The following ACOT6 variants were observed in gnomAD, a reference collection of about 807,000 sequenced individuals.
ACOT6 encodes acyl-coenzyme A thioesterase 6.
ACOT6 carries 14 observed loss-of-function variants against 12.3 expected under a neutral mutation model. That is an observed-to-expected ratio of 1.14 (90% CI 0.75 to 1.78). The LOEUF is 1.78. ACOT6 is among the 40% of genes most tolerant of loss of function. ACOT6 has a pLI of 0.00. For synonymous variants in ACOT6, 218 were observed against 231.3 expected (o/e 0.94, Z 0.52); for missense variants, 523 against 551.8 (o/e 0.95, Z 0.52).
At chr14:73,616,925 A>G in intron 1 of ACOT6, 69 bp from the exon 2 acceptor site, 1 of 581,690 alleles carries the variant, frequency 1.7e-6, no homozygotes, top group Non-Finnish European at 3.1e-6. Flanking sequence ...CCTTGGCTTC[A>G]AAAACTTGTT....
intron 1 of ACOT6, among the ~76,000 whole-genome samples, chr14:73,616,409 T>A (rs761967271): frequency 3.9e-5 from 6 of 152,026 alleles, no homozygotes; most frequent in Non-Finnish European, 8.8e-5. Flanking sequence ...TAAAAAGTTT[T>A]AGGCCGGTTG....
At chr14:73,614,738 C>A (rs1295253733) in intron 1 of ACOT6, among the ~76,000 whole-genome samples, 1 of 112,840 alleles carries the variant, frequency 8.9e-6, no homozygotes, top group African/African-American at 3.8e-5. Context: ...CAGAGCGAGA[C>A]CCTGTCTCAA....
At position 73,617,142 on chromosome 14, in the gene ACOT6, C is replaced by T. The variant is rs12891009; in HGVS notation, c.610C>T (p.His204Tyr). Residue 204 changes from histidine (H) to tyrosine (Y), a missense_variant, in exon 2 of 3, where the codon CAT (histidine) becomes TAT (tyrosine). This residue lies in a region of ACOT6 where 219 missense variants were observed against 277.0 expected (regional missense o/e 0.79). Coordinates refer to ENST00000645972, the MANE Select transcript of ACOT6 (RefSeq NM_001365788.1). ...CCTCCCCGAAGATCTGAATGATGTA[C>T]ATCTGGAGTACTTTGAAGAAGCCGT... ...EDLPEDLNDV[H>Y]LEYFEEAVDF... The T allele has an allele frequency of 0.41, 656,871 of 1,612,092 alleles. 138,525 individuals are homozygous for T. Among genetic ancestry groups the T allele is most frequent in the East Asian group, 0.67 (30,083 of 44,854 alleles).
chr14:73,612,879 C>A lies in ACOT6; in HGVS notation c.308C>A (p.Ala103Asp). ...AAGCGCGACGTGCGGACGCCCTTCG[C>A]CGTGGAGCTGGAAGTGCTGGACGGC... ...LVKRDVRTPFAVELEVLDGHD... is the reference protein window; with the variant it reads ...LVKRDVRTPFDVELEVLDGHD... Residue 103 changes from alanine (A) to aspartate (D), a missense_variant, in exon 1 of 3, where the codon GCC becomes GAC. This residue lies in a region of ACOT6 where 304 missense variants were observed against 274.8 expected (regional missense o/e 1.11). Coordinates refer to ENST00000645972, the MANE Select transcript of ACOT6 (RefSeq NM_001365788.1). 7.2e-7 allele frequency: 1 copy of A among 1,397,892 alleles called. No individual in the cohort carries two copies. The allele number at this position is 1,397,892 out of a possible 1,614,324, so 86.6% of individuals were successfully genotyped here.
intron 2 of ACOT6, among the ~76,000 whole-genome samples, chr14:73,618,756 G>A (rs1890581440): frequency 6.6e-6 from 1 of 152,138 alleles, no homozygotes; most frequent in South Asian, 2.1e-4. Context: ...CCCATTACTA[G>A]GAAATCAGTT....
At position 73,619,798 on chromosome 14, in the gene ACOT6, C is replaced by A; in HGVS notation, c.1225C>A (p.His409Asn). 1 of 1,610,470 alleles carries A rather than the reference C, an allele frequency of 6.2e-7. No individual in the cohort carries two copies. The highest frequency in any genetic ancestry group is 8.5e-7 in the Non-Finnish European group (1 of 1,178,930). The change falls in exon 3 of 3, where the codon CAT becomes AAT. Residue 409 changes from histidine to asparagine, a missense_variant. His to Asn is a moderately conservative substitution (Grantham distance 68). Coordinates refer to ENST00000645972, the MANE Select transcript of ACOT6 (RefSeq NM_001365788.1). ...WQQIQTFFHK[H>N]LNGKKSVKHS... ...GCAAATTCAAACTTTCTTCCATAAACATCTCAATGGTAAAAAATCTGTCAA... is the reference window on the plus strand; with the variant it reads ...GCAAATTCAAACTTTCTTCCATAAAAATCTCAATGGTAAAAAATCTGTCAA...
At chr14:73,617,231 A>T in intron 2 of ACOT6, 39 bp downstream of exon 2, 1 of 1,613,842 alleles carries the variant, frequency 6.2e-7, no homozygotes, top group South Asian at 1.1e-5. Flanking sequence ...AAGAGAGGGG[A>T]TAGAGCTGAT....
intron 1 of ACOT6, among the ~76,000 whole-genome samples, chr14:73,615,788 G>A (rs115893818): frequency 0.02 from 3,068 of 152,066 alleles, 106 homozygotes; most frequent in African/African-American, 0.07. Context: ...GCAGTGGCTC[G>A]CACTTAAAAT....
intron 1 of ACOT6, among the ~76,000 whole-genome samples, chr14:73,615,388 T>TAAAAAA (rs1160138803): frequency 3.2e-4 from 20 of 63,316 alleles, no homozygotes; most frequent in South Asian, 1.9e-3. Flanking sequence ...CTCTGTCTGA[T>TAAAAAA]AAAAAAAAAA....
At chr14:73,612,399 T>C (rs1197362681), upstream of ACOT6, 2 of 438,370 alleles carry the variant, frequency 4.6e-6, no homozygotes, top group African/African-American at 2.0e-5. Flanking sequence ...CACTGGTGTA[T>C]TTGCACAAAT....
chr14:73,612,671 C>T lies in ACOT6; in HGVS notation c.100C>T (p.Leu34=). Residue 34 remains leucine, a synonymous_variant, in exon 1 of 3, where the codon CTG becomes TTG. Coordinates refer to ENST00000645972, the MANE Select transcript of ACOT6 (RefSeq NM_001365788.1). ...RGLAPEQPVT[L]RTSLRDEEGA... The stretch of plus-strand genomic sequence containing the variant: ...CCTGGCCCCGGAGCAGCCAGTCACG[C>T]TGCGCACGTCCCTGCGCGACGAAGA... 6.4e-6 allele frequency: 9 copies of T among 1,411,220 alleles called. 1 individual carries two copies. In the South Asian group the frequency reaches 7.4e-5, roughly 12 times the overall value. 87.4% of individuals were successfully genotyped at this position (1,411,220 alleles called of 1,614,324 possible).
At chr14:73,612,251 GC>G (rs571360470), upstream of ACOT6, among the ~76,000 whole-genome samples, 92 of 152,228 alleles carry the variant, frequency 6.0e-4, no homozygotes, top group African/African-American at 2.0e-3. Flanking sequence ...TGTTGGTCAG[GC>G]TGGTCTTGAA....
In ACOT6 at chr14:73,618,483, GAGA is replaced by G. The variant is rs369437728; in HGVS notation, c.661-748_661-746del. Among the ~76,000 whole-genome samples, 67 of 151,508 alleles carry G rather than the reference GAGA, an allele frequency of 4.4e-4. 2 individuals are homozygous for G. Among genetic ancestry groups the G allele is most frequent in the African/African-American group, 1.5e-3 (62 of 40,808 alleles). ...GTCCACGAAGGAGCCAGTGATGGAA[GAGA>G]AGGAGTGTGGTGCAGGGCCCACGGG... On this transcript the variant is annotated intron_variant, in intron 2 of 2. Coordinates refer to ENST00000645972, the MANE Select transcript of ACOT6 (RefSeq NM_001365788.1).
At position 73,619,472 on chromosome 14, in the gene ACOT6, T is replaced by C; in HGVS notation, c.899T>C (p.Leu300Pro). 6.2e-7 allele frequency: 1 copy of C among 1,614,224 alleles called. No homozygotes were observed. The highest frequency in any genetic ancestry group is 8.5e-7 in the Non-Finnish European group (1 of 1,180,042). ...LTFMDTWSNP[L>P]EEHNHQSLVP... ...TTTATGGACACTTGGAGCAATCCAC[T>C]GGAGGAACACAATCACCAAAGTCTT... The change falls in exon 3 of 3, where the codon CTG (leucine) becomes CCG (proline). Residue 300 changes from leucine to proline, a missense_variant. Leu to Pro is a moderately conservative substitution (Grantham distance 98). Around this residue, in one of 2 missense-constraint regions of ACOT6, gnomAD observed 219 missense variants for 277.0 expected, o/e 0.79. Transcript: ENST00000645972.
In ACOT6 at chr14:73,619,864, A is replaced by G. The variant is rs778634784; in HGVS notation, c.*25A>G. 6.5e-7 allele frequency: 1 copy of G among 1,532,770 alleles called. No homozygotes were observed. The highest frequency in any genetic ancestry group is 1.8e-4 in the Middle Eastern group (1 of 5,674). 94.9% of individuals were successfully genotyped at this position (1,532,770 alleles called of 1,614,324 possible). A position where few individuals can be genotyped will look rare whatever the true frequency, so the allele number is the denominator to read the frequency against. On this transcript the variant is annotated 3_prime_UTR_variant, in exon 3 of 3. Transcript: ENST00000645972. ...ACATTGTAGCCACAGACCAGATACC[A>G]TTAATAAAAATCCTATTCATACAAC...
At chr14:73,615,657 G>T (rs1015419656) in intron 1 of ACOT6, among the ~76,000 whole-genome samples, 6 of 151,664 alleles carry the variant, frequency 4.0e-5, no homozygotes, top group African/African-American at 9.7e-5. Flanking sequence ...TTGAACCCGG[G>T]GGGAGACGGA....
intron 1 of ACOT6, among the ~76,000 whole-genome samples, chr14:73,616,440 C>G (rs1251148312): frequency 6.6e-6 from 1 of 151,828 alleles, no homozygotes; most frequent in Non-Finnish European, 1.5e-5. Flanking sequence ...CACCTGTAAT[C>G]GCAGCACTTT....
intron 1 of ACOT6, chr14:73,616,775 G>A (rs1333907265): frequency 1.1e-5 from 5 of 437,542 alleles, no homozygotes; most frequent in African/African-American, 2.0e-5. Context: ...AGTGATGAAC[G>A]CTGAGATTTT....
Position 73,619,109 on chromosome 14 carries a change from G to A in ACOT6, c.661-125G>A, listed in dbSNP as rs1890587737. ...TGCACCACTGCACTCCAGCCTGGGT[G>A]ACAGAGCGAGACTCCATCTCAAAAA... is the stretch of plus-strand genomic sequence containing the variant. On this transcript the variant is annotated intron_variant, in intron 2 of 2. Transcript: ENST00000645972. 6 of 1,259,278 alleles carry A rather than the reference G, an allele frequency of 4.8e-6. No homozygotes were observed. In the Admixed American group the frequency reaches 7.7e-5, roughly 16 times the overall value. 78.0% of individuals were successfully genotyped at this position (1,259,278 alleles called of 1,614,324 possible).
Sources: allele counts gnomAD v4.1 joint callset (sites outside exome capture counted in the v4.1 genomes callset), GRCh38; gene constraint gnomAD v4.1.1; regional missense constraint gnomAD v4.1.1; transcripts MANE v1.5; gene names NCBI Gene and HGNC (gene_info 2026-07-23, HGNC 2026-07-21).